Variants in ATL3 observed in about 807,000 individuals in gnomAD.
ATL3 encodes the protein atlastin GTPase 3, also known as atlastin-3.
A neutral mutation model predicts 69.5 loss-of-function variants in ATL3; 49 were observed. That is an observed-to-expected ratio of 0.71 (90% CI 0.56 to 0.89). The LOEUF (loss-of-function observed/expected upper bound fraction) is 0.89. Ranked by LOEUF, ATL3 falls within the 40% of genes least tolerant of loss-of-function variation. The pLI, the probability that ATL3 is intolerant of heterozygous loss-of-function variation, is 0.00. For synonymous variants in ATL3, 214 were observed against 224.1 expected, an observed-to-expected ratio of 0.95 and a Z score of 0.40; for missense variants, 606 against 645.7, an observed-to-expected ratio of 0.94 and a Z score of 0.67.
intron 8 of ATL3, 149 bp downstream of exon 8, chr11:63,643,208 T>A (rs1256443681): frequency 3.7e-6 from 3 of 808,616 alleles, no homozygotes; most frequent in South Asian, 2.7e-5. Context: ...TCTCAGTAAG[T>A]CAGGAGCAAA....
At position 63,627,334 on chromosome 11, in the gene ATL3, T is replaced by C. The variant is rs1194400922; in HGVS notation, c.*1985A>G. 1 of 152,142 alleles carries C rather than the reference T, an allele frequency of 6.6e-6. No individual in the cohort carries two copies. The highest frequency in any genetic ancestry group is 1.5e-5 in the Non-Finnish European group (1 of 68,004). The allele number at this position is 152,142 out of a possible 1,614,324, so 9.4% of individuals were successfully genotyped here. ...GGTTGGCATCACTGATAAATGCAAG[T>C]AAACAAGCTGGAATTTTTCTAAAGT... On this transcript the variant is annotated 3_prime_UTR_variant, in exon 13 of 13. Transcript: ENST00000398868.
At chr11:63,651,003 TATA>T (rs1232809221) in intron 5 of ATL3, among the ~76,000 whole-genome samples, 2 of 152,226 alleles carry the variant, frequency 1.3e-5, no homozygotes, top group African/African-American at 4.8e-5. Flanking sequence ...AGGTAATCCC[TATA>T]ATAATGACAC....
At chr11:63,644,504 C>T (rs1289611506) in intron 6 of ATL3, among the ~76,000 whole-genome samples, 1 of 151,616 alleles carries the variant, frequency 6.6e-6, no homozygotes, top group Admixed American at 6.6e-5. Flanking sequence ...ATCCTTTCAC[C>T]TCAGCCTCCC....
At chr11:63,671,170 C>A in intron 1 of ATL3, 120 bp downstream of exon 1, 1 of 1,411,692 alleles carries the variant, frequency 7.1e-7, no homozygotes. Context: ...GCGAGGGACG[C>A]GCGGTCCCAG....
rs761170270 is a variant in ATL3, at chr11:63,652,453, G to C, written c.510+18C>G. Reference sequence around the variant, plus strand: ...TTATTTCCTTTGCGAGCTTTTTTCTGAGTCAAGTGGTTTTTACCTGAACAG... The same window carrying C: ...TTATTTCCTTTGCGAGCTTTTTTCTCAGTCAAGTGGTTTTTACCTGAACAG... On this transcript the variant is annotated intron_variant, in intron 4 of 12. Transcript: ENST00000398868. The C allele has an allele frequency of 1.4e-6, 2 of 1,458,168 alleles. No homozygotes were observed. Among genetic ancestry groups the C allele is most frequent in the Non-Finnish European group, 9.2e-7 (1 of 1,084,176 alleles). 90.3% of individuals were successfully genotyped at this position (1,458,168 alleles called of 1,614,324 possible). A position where few individuals can be genotyped will look rare whatever the true frequency, so the allele number is the denominator to read the frequency against.
At chr11:63,642,165 A>G (rs2134485266) in intron 8 of ATL3, among the ~76,000 whole-genome samples, 1 of 152,302 alleles carries the variant, frequency 6.6e-6, no homozygotes, top group African/African-American at 2.4e-5. Flanking sequence ...TTCTAGGTCC[A>G]CTGCTTGCCA....
At chr11:63,644,405 A>T (rs1316374970) in intron 6 of ATL3, 144 bp from the exon 7 acceptor site, 696 of 424,382 alleles carry the variant, frequency 1.6e-3, no homozygotes, top group East Asian at 3.1e-3. Flanking sequence ...TTTTTTTTTT[A>T]AAGAGATTGG....
chr11:63,649,133 T>TA (rs1214598359), intron 5 of ATL3, among the ~76,000 whole-genome samples: 3 of 151,804 alleles, frequency 2.0e-5, no homozygotes, highest in Admixed American at 6.6e-5. Context: ...TCAAAAAAAA[T>TA]AAAAAAAGTA....
At chr11:63,636,638 C>A (rs1939526750) in intron 8 of ATL3, among the ~76,000 whole-genome samples, 1 of 151,794 alleles carries the variant, frequency 6.6e-6, no homozygotes, top group South Asian at 2.1e-4. Flanking sequence ...ACTCAGGAGG[C>A]TGAGGCAGGA....
Position 63,629,173 on chromosome 11 carries a change from T to G in ATL3, c.*146A>C. On this transcript the variant is annotated 3_prime_UTR_variant, in exon 13 of 13. Transcript: ENST00000398868. Reference sequence around the variant, plus strand: ...ATAATTTGAAACCACAGGAGAGGTCTGCTCATTTATTACAGGGCCATGTTT... The same window carrying G: ...ATAATTTGAAACCACAGGAGAGGTCGGCTCATTTATTACAGGGCCATGTTT... 1.6e-6 allele frequency: 1 copy of G among 637,302 alleles called. No individual in the cohort carries two copies. Among genetic ancestry groups the G allele is most frequent in the Non-Finnish European group, 2.8e-6 (1 of 352,352 alleles). The allele number at this position is 637,302 out of a possible 1,614,324, so 39.5% of individuals were successfully genotyped here.
At chr11:63,636,104 C>T in intron 9 of ATL3, 103 bp downstream of exon 9, 2 of 1,472,978 alleles carry the variant, frequency 1.4e-6, no homozygotes, top group East Asian at 2.3e-5. Flanking sequence ...CCATCTCCCC[C>T]AGAAAATTTT....
chr11:63,643,424 G>A lies in ATL3; in HGVS notation c.783C>T (p.Thr261=), dbSNP rs779233736. 2.0e-5 allele frequency: 33 copies of A among 1,612,266 alleles called. No individual in the cohort carries two copies. The South Asian group carries it at 3.3e-4, about 16-fold the overall frequency. Residue 261 remains threonine (T), a synonymous_variant, in exon 8 of 13, where the codon ACC becomes ACT. Coordinates refer to ENST00000398868, the MANE Select transcript of ATL3 (RefSeq NM_015459.5). ...NHIHSCFSDV[T]CFLLPHPGLQ... is the part of the protein sequence containing the mutation. ...GTCCTGGATGTGGTAAGAGAAAGCA[G>A]GTGACATCGGAGAAACATGAGTGAA...
chr11:63,666,519 C>A (rs1377638772), intron 1 of ATL3, among the ~76,000 whole-genome samples: 1 of 152,040 alleles, frequency 6.6e-6, no homozygotes, highest in Non-Finnish European at 1.5e-5. Context: ...CTGTGTGATC[C>A]TGGGCATGTC....
At chr11:63,661,462 A>G (rs1348351215) in intron 1 of ATL3, among the ~76,000 whole-genome samples, 1 of 152,182 alleles carries the variant, frequency 6.6e-6, no homozygotes, top group Non-Finnish European at 1.5e-5. Context: ...TTTGAAATTC[A>G]GGCCAGGCAC....
intron 12 of ATL3, 60 bp from the exon 13 acceptor site, chr11:63,629,465 GTAAGTCCT>G (rs1163876493): frequency 1.1e-4 from 167 of 1,467,134 alleles, no homozygotes; most frequent in Non-Finnish European, 1.6e-4. Flanking sequence ...CAACAAGAAA[GTAAGTCCT>G]TAAACTTTCA....
In ATL3 at chr11:63,671,123, G is replaced by GC. The variant is rs575817029; in HGVS notation, c.46+166dup. Among the ~76,000 whole-genome samples, 1,131 of 152,258 alleles carry GC rather than the reference G, an allele frequency of 7.4e-3. 12 individuals carry two copies. The highest frequency in any genetic ancestry group is 0.024 in the African/African-American group (1,006 of 41,552). ...CTGGACCAGCTGGGCCCGAAGAGGG[G>GC]CCCCCCCACCACAAATTCGGAAACC... On this transcript the variant is annotated intron_variant, in intron 1 of 12. Coordinates refer to ENST00000398868, the MANE Select transcript of ATL3 (RefSeq NM_015459.5).
At chr11:63,658,013 C>A (rs1940311162) in intron 3 of ATL3, among the ~76,000 whole-genome samples, 1 of 152,108 alleles carries the variant, frequency 6.6e-6, no homozygotes, top group Non-Finnish European at 1.5e-5. Flanking sequence ...CCCACCACCA[C>A]ACCCAGCTAA....
chr11:63,626,773 G>C lies in ATL3; in HGVS notation c.*2546C>G, dbSNP rs1446246498. 6.6e-6 allele frequency: 1 copy of C among 152,062 alleles called. No homozygotes were observed. Among genetic ancestry groups the C allele is most frequent in the Non-Finnish European group, 1.5e-5 (1 of 68,018 alleles). 9.4% of individuals were successfully genotyped at this position (152,062 alleles called of 1,614,324 possible). ...AGTAAAAGATATTATTTTTAACCTG[G>C]TTATAAATCTCCCCAGGATGATTTA... On this transcript the variant is annotated 3_prime_UTR_variant, in exon 13 of 13. Transcript: ENST00000398868.
intron 11 of ATL3, chr11:63,632,571 T>C (rs1939356978): frequency 3.5e-6 from 3 of 850,774 alleles, no homozygotes; most frequent in Admixed American, 3.4e-5. Flanking sequence ...GGTTAGAAGG[T>C]GATAAATCTA....
Sources: gnomAD v4.1 joint callset for allele counts (sites outside exome capture counted in the v4.1 genomes callset) on GRCh38, gnomAD v4.1.1 for gene constraint, MANE v1.5 for transcripts, NCBI Gene and HGNC (gene_info 2026-07-23, HGNC 2026-07-21) for gene names.